Variants in NPTN observed in about 807,000 individuals in gnomAD.
NPTN encodes the protein neuroplastin, also known as SDR-1.
A neutral mutation model predicts 42.7 loss-of-function variants in NPTN; 5 were observed. The ratio of observed to expected loss-of-function variants is 0.12; its 90% confidence interval spans 0.06 to 0.25. The LOEUF is 0.25. Among genes scored for constraint, NPTN ranks in the 10% least tolerant of loss-of-function variants. The probability of loss-of-function intolerance (pLI) is 1.00; values close to 1 mark genes in which losing one functional copy is unlikely to be tolerated. For synonymous variants in NPTN, 180 were observed against 201.9 expected (o/e 0.89, Z 0.92); for missense variants, 307 against 525.4 (o/e 0.58, Z 4.06).
chr15:73,568,971 T>A (rs1158636733), intron 6 of NPTN: 36 of 985,456 alleles, frequency 3.7e-5, no homozygotes, highest in Non-Finnish European at 3.9e-5. Context: ...ACATTCTTTC[T>A]GAGGGAGCAC....
At chr15:73,588,437 AAG>A (rs1896425839) in intron 3 of NPTN, among the ~76,000 whole-genome samples, 4 of 152,168 alleles carry the variant, frequency 2.6e-5, no homozygotes. Context: ...TTTAAAGAAA[AAG>A]AAAAAAATCT....
At chr15:73,586,167 G>A (rs1026943817) in intron 4 of NPTN, among the ~76,000 whole-genome samples, 1 of 152,144 alleles carries the variant, frequency 6.6e-6, no homozygotes, top group African/African-American at 2.4e-5. Flanking sequence ...TCTGCACTTG[G>A]ACTTTGTGCT....
rs774262484 is a variant in NPTN at position 73,592,119 on chromosome 15, C to T, written c.458G>A (p.Ser153Asn). 4 of 1,613,646 alleles carry T rather than the reference C, an allele frequency of 2.5e-6. No individual in the cohort carries two copies. Among genetic ancestry groups the T allele is most frequent in the Non-Finnish European group, 3.4e-6 (4 of 1,179,722 alleles). The change falls in exon 3 of 9, where the codon AGT becomes AAT. Residue 153 changes from serine (S) to asparagine (N), a missense_variant. By Grantham distance (46) the Ser-to-Asn change is conservative. Around this residue, in one of 2 missense-constraint regions of NPTN, gnomAD observed 264 missense variants for 491.1 expected, o/e 0.54. Transcript: ENST00000345330. Reference protein sequence around the residue: ...SVLQKPRIVTSEEVIIRDSPV... With the variant: ...SVLQKPRIVTNEEVIIRDSPV... ...GCTGTCTCGAATAATGACCTCTTCA[C>T]TGGTGACAATCCTTGGCTCTGTAAT... is the stretch of plus-strand genomic sequence containing the variant.
At chr15:73,574,329 C>T (rs1391121719) in intron 4 of NPTN, among the ~76,000 whole-genome samples, 1 of 152,070 alleles carries the variant, frequency 6.6e-6, no homozygotes, top group East Asian at 1.9e-4. Flanking sequence ...CCAAGGCTCT[C>T]CCAGGAAAGA....
intron 1 of NPTN, among the ~76,000 whole-genome samples, chr15:73,606,928 T>C (rs930537372): frequency 6.6e-6 from 1 of 152,126 alleles, no homozygotes; most frequent in Admixed American, 6.5e-5. Flanking sequence ...ACCCCCATCT[T>C]TGATCATCCT....
intron 1 of NPTN, among the ~76,000 whole-genome samples, chr15:73,607,782 T>A (rs1897358926): frequency 6.6e-6 from 1 of 152,160 alleles, no homozygotes; most frequent in Non-Finnish European, 1.5e-5. Flanking sequence ...AAAGCAGTAA[T>A]TCTTAAATTT....
intron 1 of NPTN, among the ~76,000 whole-genome samples, chr15:73,626,751 A>C (rs1898434310): frequency 6.6e-6 from 1 of 152,178 alleles, no homozygotes; most frequent in Non-Finnish European, 1.5e-5. Flanking sequence ...ATCCATTTAG[A>C]TATGATTAAA....
chr15:73,626,077 T>G (rs1320990227), intron 1 of NPTN, among the ~76,000 whole-genome samples: 1 of 152,214 alleles, frequency 6.6e-6, no homozygotes, highest in Non-Finnish European at 1.5e-5. Context: ...CATAAGGGAC[T>G]GCAGAAACTA....
chr15:73,619,964 C>T (rs943325663), intron 1 of NPTN, among the ~76,000 whole-genome samples: 5 of 152,170 alleles, frequency 3.3e-5, no homozygotes, highest in East Asian at 1.9e-4. Context: ...GTGAGGTATG[C>T]GTTATGTCTA....
Position 73,561,889 on chromosome 15 carries a change from T to C in NPTN, c.*14+7A>G. 6.3e-7 allele frequency: 1 copy of C among 1,592,202 alleles called. No homozygotes were observed. The highest frequency in any genetic ancestry group is 1.3e-5 in the African/African-American group (1 of 74,188). On this transcript the variant is annotated splice_region_variant and intron_variant, in intron 8 of 8. Transcript: ENST00000345330. ...TTTTTAAGACTGCTACAGAAGGCCA[T>C]ACTTACATTGTAAGCAGTACTTAAT...
intron 8 of NPTN, 49 bp downstream of exon 8, chr15:73,561,847 C>G (rs1333536236): frequency 7.7e-7 from 1 of 1,303,880 alleles, no homozygotes; most frequent in South Asian, 1.2e-5. Flanking sequence ...AATAGAGGCA[C>G]ATTCATTTGA....
intron 6 of NPTN, chr15:73,567,172 T>G (rs1445044855): frequency 1.0e-6 from 1 of 984,932 alleles, no homozygotes; most frequent in Non-Finnish European, 1.2e-6. Flanking sequence ...GCTTTTGTAG[T>G]AAGGGGATGA....
In NPTN at chr15:73,561,409, T is replaced by C. The variant is rs181152849; in HGVS notation, c.*15-361A>G. Among the ~76,000 whole-genome samples, 16 of 152,366 alleles carry C rather than the reference T, an allele frequency of 1.1e-4. No homozygotes were observed. The East Asian group carries it at 2.9e-3, about 28-fold the overall frequency. On this transcript the variant is annotated intron_variant, in intron 8 of 8. Coordinates refer to ENST00000345330, the MANE Select transcript of NPTN (RefSeq NM_012428.4). ...CAATGCACCTGATGGCGGGGCACAC[T>C]GGCTCATGCCTGTAATCCCAGCACT... is the stretch of plus-strand genomic sequence containing the variant.
intron 6 of NPTN, chr15:73,567,666 A>C (rs1895109672): frequency 1.0e-6 from 1 of 985,434 alleles, no homozygotes; most frequent in Non-Finnish European, 1.2e-6. Context: ...GGAGAAGAAA[A>C]GCGGGCAGGG....
intron 1 of NPTN, among the ~76,000 whole-genome samples, chr15:73,625,460 T>C (rs1417988769): frequency 3.3e-5 from 5 of 151,722 alleles, no homozygotes; most frequent in Non-Finnish European, 7.4e-5. Flanking sequence ...CAGCCCCGAG[T>C]AGCTGGGACT....
chr15:73,577,293 C>G (rs1438442327), intron 4 of NPTN, among the ~76,000 whole-genome samples: 3 of 152,166 alleles, frequency 2.0e-5, no homozygotes, highest in African/African-American at 7.2e-5. Flanking sequence ...CCACAATGTC[C>G]CCTATCAGCA....
rs780769574 is a variant in NPTN at position 73,569,205 on chromosome 15, T to TC, written c.1114+944dup. ...CGGCCAATTAATTTCTGTACGCCGG[T>TC]CATGTTATAGGGTGGGGATGGGGAG... On this transcript the variant is annotated intron_variant, in intron 6 of 8. Coordinates refer to ENST00000345330, the MANE Select transcript of NPTN (RefSeq NM_012428.4). The surrounding 1 kb of genome is among the most constrained non-coding windows in gnomAD (Gnocchi z 4.1). 118 of 985,358 alleles carry TC rather than the reference T, an allele frequency of 1.2e-4. No homozygotes were observed. Among genetic ancestry groups the TC allele is most frequent in the Non-Finnish European group, 1.4e-4 (115 of 830,016 alleles). 61.0% of individuals were successfully genotyped at this position (985,358 alleles called of 1,614,324 possible).
intron 1 of NPTN, among the ~76,000 whole-genome samples, chr15:73,599,968 CTG>C (rs1897009318): frequency 6.6e-6 from 1 of 152,188 alleles, no homozygotes; most frequent in Non-Finnish European, 1.5e-5. Flanking sequence ...GTTTATCAAT[CTG>C]TTGACAATGC....
At chr15:73,567,972 GA>G (rs1895131166) in intron 6 of NPTN, 4 of 985,314 alleles carry the variant, frequency 4.1e-6, no homozygotes, top group Admixed American at 1.2e-4. Flanking sequence ...TTAAGGGTAG[GA>G]TTCATTCACT....
Sources: gnomAD v4.1 joint callset for allele counts (sites outside exome capture counted in the v4.1 genomes callset) on GRCh38, gnomAD v4.1.1 for gene constraint, gnomAD v4.1.1 regional missense constraint, Gnocchi (gnomAD v3.1) non-coding constraint, MANE v1.5 for transcripts, NCBI Gene and HGNC (gene_info 2026-07-23, HGNC 2026-07-21) for gene names.